ADSS2: variants seen among roughly 807,000 people sequenced by gnomAD.
ADSS2 encodes adenylosuccinate synthase 2, also known as adenylosuccinate synthetase isozyme 2.
Under a neutral mutation model 60.0 loss-of-function variants are expected in ADSS2, and 30 were observed. The observed-to-expected ratio is 0.50, with a 90% CI of 0.37 to 0.68. The LOEUF is 0.68. Among genes scored for constraint, ADSS2 ranks in the 30% least tolerant of loss-of-function variants. ADSS2 has a pLI of 0.00. For missense variants in ADSS2, 373 were observed against 554.8 expected (o/e 0.67, Z 3.29); for synonymous variants, 187 against 193.1 (o/e 0.97, Z 0.26).
intron 8 of ADSS2, 110 bp from the exon 9 acceptor site, chr1:244,419,024 T>G (rs1664613578): frequency 9.9e-7 from 1 of 1,013,660 alleles, no homozygotes; most frequent in South Asian, 1.8e-5. Flanking sequence ...ATCTAACAGA[T>G]CTGAACTGTA....
intron 7 of ADSS2, among the ~76,000 whole-genome samples, chr1:244,420,579 T>G (rs188297131): frequency 1.3e-5 from 2 of 152,190 alleles, no homozygotes; most frequent in African/African-American, 4.8e-5. Context: ...CCCAGCAAAG[T>G]AGTCATACTT....
At position 244,409,696 on chromosome 1, in the gene ADSS2, T is replaced by G; in HGVS notation, c.1319-58A>C. ...CAATTCATCTCTAATGTTCACTCGT[T>G]GGGATTAAAACAGGTAGTCCCCTAC... is the stretch of plus-strand genomic sequence containing the variant. On this transcript the variant is annotated intron_variant, in intron 12 of 12. Transcript: ENST00000366535. The G allele has an allele frequency of 2.8e-6, 4 of 1,405,064 alleles. No homozygotes were observed. In the Admixed American group the frequency reaches 7.0e-5, roughly 24 times the overall value. The allele number at this position is 1,405,064 out of a possible 1,614,324, so 87.0% of individuals were successfully genotyped here.
chr1:244,447,559 C>A (rs1359529918), intron 1 of ADSS2, among the ~76,000 whole-genome samples: 1 of 152,088 alleles, frequency 6.6e-6, no homozygotes, highest in Admixed American at 6.6e-5. Context: ...GTTACTAGAA[C>A]CCCACATGGT....
At chr1:244,443,285 T>TA (rs2148013361) in intron 1 of ADSS2, among the ~76,000 whole-genome samples, 1 of 152,348 alleles carries the variant, frequency 6.6e-6, no homozygotes, top group African/African-American at 2.4e-5. Context: ...CATTAACAGT[T>TA]ACACTAACTA....
At position 244,423,046 on chromosome 1, in the gene ADSS2, CCTT is replaced by C. The variant is rs1489116453; in HGVS notation, c.582-133_582-131del. On this transcript the variant is annotated intron_variant, in intron 6 of 12. Coordinates refer to ENST00000366535, the MANE Select transcript of ADSS2 (RefSeq NM_001126.5). ...CAAATTAATCCTGAAACTGAAGTCA[CCTT>C]CTGAGAAATAAAATTTAATAAAGGA... 3 of 547,468 alleles carry C rather than the reference CCTT, an allele frequency of 5.5e-6. No homozygotes were observed. In the East Asian group the frequency reaches 9.1e-5, roughly 17 times the overall value. The allele number at this position is 547,468 out of a possible 1,614,324, so 33.9% of individuals were successfully genotyped here. A position where few individuals can be genotyped will look rare whatever the true frequency, so the allele number is the denominator to read the frequency against.
Position 244,417,643 on chromosome 1 carries a change from A to T in ADSS2, c.1055T>A (p.Ile352Asn). ...GAATACTCACGCAGTAAATCCATTGATCATATGAGCATATTTGAGCAAAAC... is the reference window on the plus strand; with the variant it reads ...GAATACTCACGCAGTAAATCCATTGTTCATATGAGCATATTTGAGCAAAAC... ...DLVLLKYAHMINGFTALALTK... is the reference protein window; with the variant it reads ...DLVLLKYAHMNNGFTALALTK... Residue 352 changes from isoleucine (I) to asparagine (N), a missense_variant, in exon 10 of 13, where the codon ATC (isoleucine) becomes AAC (asparagine). Transcript: ENST00000366535. The T allele has an allele frequency of 6.2e-7, 1 of 1,612,294 alleles. No individual in the cohort carries two copies. Among genetic ancestry groups the T allele is most frequent in the Non-Finnish European group, 8.5e-7 (1 of 1,179,924 alleles).
intron 4 of ADSS2, among the ~76,000 whole-genome samples, chr1:244,426,003 G>T (rs1039074961): frequency 6.6e-6 from 1 of 151,972 alleles, no homozygotes; most frequent in African/African-American, 2.4e-5. Flanking sequence ...TCATATAAGG[G>T]GATACTATAT....
intron 3 of ADSS2, among the ~76,000 whole-genome samples, chr1:244,435,095 G>A (rs775591036): frequency 2.2e-5 from 3 of 134,710 alleles, no homozygotes; most frequent in Admixed American, 8.6e-5. Flanking sequence ...TTGGACCCAC[G>A]AAGCAGAAGG....
At chr1:244,443,104 AT>A in intron 1 of ADSS2, among the ~76,000 whole-genome samples, 1 of 152,284 alleles carries the variant, frequency 6.6e-6, no homozygotes, top group Admixed American at 6.5e-5. Context: ...ATGTTTCATG[AT>A]TCTCCCAAGC....
At chr1:244,441,196 C>T (rs1665235346) in intron 1 of ADSS2, among the ~76,000 whole-genome samples, 1 of 151,964 alleles carries the variant, frequency 6.6e-6, no homozygotes, top group Non-Finnish European at 1.5e-5. Flanking sequence ...GTAGCTGGGA[C>T]TACAGGCGCC....
chr1:244,428,959 C>T (rs949203516), intron 4 of ADSS2, among the ~76,000 whole-genome samples: 4 of 152,098 alleles, frequency 2.6e-5, no homozygotes, highest in African/African-American at 4.8e-5. Context: ...TATTACCAAC[C>T]TCACACATAA....
intron 4 of ADSS2, among the ~76,000 whole-genome samples, chr1:244,427,862 A>G (rs1470862319): frequency 6.6e-6 from 1 of 152,186 alleles, no homozygotes. Context: ...TGTTGATCAT[A>G]AAAAGCTATG....
At chr1:244,439,370 T>C (rs192634191) in intron 1 of ADSS2, among the ~76,000 whole-genome samples, 2 of 152,274 alleles carry the variant, frequency 1.3e-5, no homozygotes, top group East Asian at 1.9e-4. Flanking sequence ...AGCTAGTAGG[T>C]AACGAATCCT....
intron 1 of ADSS2, among the ~76,000 whole-genome samples, chr1:244,439,485 T>A (rs964955978): frequency 2.6e-5 from 4 of 152,152 alleles, no homozygotes; most frequent in Admixed American, 2.6e-4. Flanking sequence ...AACTCAGGAC[T>A]CCGCCCAGTG....
intron 1 of ADSS2, among the ~76,000 whole-genome samples, chr1:244,449,070 T>C (rs1301616745): frequency 6.6e-6 from 1 of 152,248 alleles, no homozygotes; most frequent in Non-Finnish European, 1.5e-5. Context: ...TACATATTTA[T>C]GGATCTGGGG....
At chr1:244,431,182 A>C (rs1016186234) in intron 4 of ADSS2, among the ~76,000 whole-genome samples, 1 of 152,214 alleles carries the variant, frequency 6.6e-6, no homozygotes, top group African/African-American at 2.4e-5. Flanking sequence ...GTGATATATA[A>C]GTTTAAAATT....
chr1:244,448,784 G>C (rs1057160505), intron 1 of ADSS2, among the ~76,000 whole-genome samples: 1 of 152,112 alleles, frequency 6.6e-6, no homozygotes, highest in South Asian at 2.1e-4. Flanking sequence ...CTTGAGAAAC[G>C]TATTAGACTA....
intron 1 of ADSS2, among the ~76,000 whole-genome samples, chr1:244,450,877 A>C (rs949040142): frequency 1.3e-5 from 2 of 152,214 alleles, no homozygotes; most frequent in African/African-American, 4.8e-5. Context: ...CCAAATACTC[A>C]ATTTGACATC....
intron 1 of ADSS2, among the ~76,000 whole-genome samples, chr1:244,440,607 C>T (rs1665213794): frequency 6.6e-6 from 1 of 152,118 alleles, no homozygotes; most frequent in Non-Finnish European, 1.5e-5. Flanking sequence ...ATGATACAGA[C>T]ACCAAGTGGC....
Sources: allele counts gnomAD v4.1 joint callset (sites outside exome capture counted in the v4.1 genomes callset), GRCh38; gene constraint gnomAD v4.1.1; transcripts MANE v1.5; gene names NCBI Gene and HGNC (gene_info 2026-07-23, HGNC 2026-07-21).